MYO9B: variants seen among roughly 807,000 people sequenced by gnomAD.
The protein encoded by MYO9B is myosin IXB.
MYO9B carries 71 observed loss-of-function variants against 229.5 expected under a neutral mutation model. The ratio of observed to expected loss-of-function variants is 0.31; its 90% CI spans 0.26 to 0.38. The LOEUF (loss-of-function observed/expected upper bound fraction) is 0.38. Among genes scored for constraint, MYO9B ranks in the 10% least tolerant of loss-of-function variants. The pLI is 1.00. For missense variants in MYO9B, 2,255 were observed against 2,920.5 expected (o/e 0.77, Z 5.25); for synonymous variants, 1,185 against 1,235.8 (o/e 0.96, Z 0.86).
At chr19:17,142,968 A>T (rs1266002523) in intron 2 of MYO9B, among the ~76,000 whole-genome samples, 1 of 152,136 alleles carries the variant, frequency 6.6e-6, no homozygotes, top group Non-Finnish European at 1.5e-5. Context: ...GCCAGGCATG[A>T]TGGCTCATGC....
At chr19:17,115,295 G>A (rs1183767207) in intron 2 of MYO9B, among the ~76,000 whole-genome samples, 4 of 151,920 alleles carry the variant, frequency 2.6e-5, no homozygotes, top group South Asian at 2.1e-4. Flanking sequence ...GGCATCTTTG[G>A]CACCATGAGT....
chr19:17,091,530 A>G (rs955689047), intron 1 of MYO9B, among the ~76,000 whole-genome samples: 6 of 152,200 alleles, frequency 3.9e-5, no homozygotes, highest in African/African-American at 1.4e-4. Context: ...AACATGGTGA[A>G]ACCCCATCTC....
intron 22 of MYO9B, among the ~76,000 whole-genome samples, chr19:17,196,812 C>T (rs866251425): frequency 1.3e-5 from 2 of 150,142 alleles, no homozygotes; most frequent in Non-Finnish European, 3.0e-5. Context: ...TGATGGATGG[C>T]TGGGTGGGTG....
In MYO9B at chr19:17,183,185, G is replaced by A. The variant is rs192382576; in HGVS notation, c.2334-644G>A. 1.8e-4 allele frequency among the ~76,000 whole-genome samples: 27 copies of A among 152,332 alleles called. No homozygotes were observed. In the East Asian group the frequency reaches 5.0e-3, roughly 28 times the overall value. On this transcript the variant is annotated intron_variant, in intron 15 of 39. Coordinates refer to ENST00000682292, the MANE Select transcript of MYO9B (RefSeq NM_004145.4). ...GATCCGCTCACCTCAGCCTCCCAAA[G>A]TGCTGGGATTACAGGCGTGAGCCAC... is the stretch of plus-strand genomic sequence containing the variant.
chr19:17,191,328 T>C, intron 20 of MYO9B, 109 bp downstream of exon 20: 18 of 1,339,802 alleles, frequency 1.3e-5, no homozygotes, highest in Non-Finnish European at 1.8e-5. Context: ...CAGGGCTCTG[T>C]CTAGGAAATG....
At position 17,194,974 on chromosome 19, in the gene MYO9B, AC is replaced by A; in HGVS notation, c.3550del (p.Gln1184ArgfsTer5). On this transcript the variant is annotated frameshift_variant, in exon 22 of 40. Transcript: ENST00000682292. LOFTEE classifies it high-confidence loss of function. Reference protein sequence around the residue: ...SALREPSRRVTQEQGVSLLED... With the variant: ...SALREPSRRVXQEQGVSLLED... ...CCTCAGAGAACCTTCCAGAAGGGTCACCCAGGAGCAAGGGGTGAGTCTCCTG... is the reference window on the plus strand; with the variant it reads ...CCTCAGAGAACCTTCCAGAAGGGTCACCAGGAGCAAGGGGTGAGTCTCCTG... 1 of 1,613,380 alleles carries A rather than the reference AC, an allele frequency of 6.2e-7. No individual in the cohort carries two copies. The highest frequency in any genetic ancestry group is 8.5e-7 in the Non-Finnish European group (1 of 1,179,894).
Position 17,210,850 on chromosome 19 carries a change from C to T in MYO9B, c.5930+2C>T, listed in dbSNP as rs113212912. 3 of 1,596,410 alleles carry T rather than the reference C, an allele frequency of 1.9e-6. No individual in the cohort carries two copies. Among genetic ancestry groups the T allele is most frequent in the African/African-American group, 2.7e-5 (2 of 74,506 alleles). ...GATCCAGTCCATCAAGGAGGAGAAG[C>T]AAGTGGCTCAGTCCCCTCCCTCAGT... On this transcript the variant is annotated splice_donor_variant, in intron 38 of 39. Transcript: ENST00000682292. LOFTEE classifies it low-confidence loss of function (GC_TO_GT_DONOR).
rs1483762769 is a variant in MYO9B, at chr19:17,172,471, G to T, written c.1929G>T (p.Gln643His). 1 of 1,613,522 alleles carries T rather than the reference G, an allele frequency of 6.2e-7. No individual in the cohort carries two copies. Among genetic ancestry groups the T allele is most frequent in the South Asian group, 1.1e-5 (1 of 90,976 alleles). The change falls in exon 12 of 40, where the codon CAG (glutamine) becomes CAT (histidine). Residue 643 changes from glutamine to histidine, a missense_variant. This residue lies in a region of MYO9B where 220 missense variants were observed against 404.5 expected (regional missense o/e 0.54). Coordinates refer to ENST00000682292, the MANE Select transcript of MYO9B (RefSeq NM_004145.4). This position sits in a 1 kb window ranked among gnomAD's most constrained non-coding sequence, Gnocchi z 8.2. Reference sequence around the variant, plus strand: ...ACTTCGCAGGGAAGGTGAAATATCAGATCAAGGTAGGTGTCTGCCCATCAC... The same window carrying T: ...ACTTCGCAGGGAAGGTGAAATATCATATCAAGGTAGGTGTCTGCCCATCAC... Reference protein sequence around the residue: ...IQHFAGKVKYQIKDFREKNMD... With the variant: ...IQHFAGKVKYHIKDFREKNMD...
rs977170126 is a variant in MYO9B at position 17,079,814 on chromosome 19, G to A, written c.-59+3940G>A. ...CAGCTGTGCCAGGCTGCCCCTGCTC[G>A]GCCGGCCATTCAGACGGCCCCAGGC... On this transcript the variant is annotated intron_variant, in intron 1 of 39. Transcript: ENST00000682292. 3.3e-5 allele frequency among the ~76,000 whole-genome samples: 5 copies of A among 152,234 alleles called. No individual in the cohort carries two copies. The South Asian group carries it at 8.3e-4, about 25-fold the overall frequency.
rs1033348392 is a variant in MYO9B, at chr19:17,211,537, A to T, written c.5931-110A>T. On this transcript the variant is annotated intron_variant, in intron 38 of 39. Coordinates refer to ENST00000682292, the MANE Select transcript of MYO9B (RefSeq NM_004145.4). ...CAATCCTCCTGCTTGGGGTGGGGGG[A>T]GGTTGGGGACACAGAGTTACATCTA... The T allele has an allele frequency of 7.1e-6, 7 of 981,510 alleles. No homozygotes were observed. The East Asian group carries it at 2.0e-4, about 28-fold the overall frequency. 60.8% of individuals were successfully genotyped at this position (981,510 alleles called of 1,614,324 possible).
intron 1 of MYO9B, among the ~76,000 whole-genome samples, chr19:17,091,335 C>G (rs908314959): frequency 1.3e-5 from 2 of 152,250 alleles, no homozygotes; most frequent in Non-Finnish European, 2.9e-5. Flanking sequence ...AGGCAATCCC[C>G]CTGCCTCGGC....
chr19:17,102,240 A>T lies in MYO9B; in HGVS notation c.523A>T (p.Ile175Phe). The T allele has an allele frequency of 2.5e-6, 4 of 1,614,010 alleles. No homozygotes were observed. The highest frequency in any genetic ancestry group is 3.4e-6 in the Non-Finnish European group (4 of 1,179,882). ...CAAGCACCGCTTCCTGCAACAAAAG[A>T]TCTACACGTACGCGGGGAGCATCCT... ...NLKHRFLQQK[I>F]YTYAGSILVA... Residue 175 changes from isoleucine (I) to phenylalanine (F), a missense_variant, in exon 2 of 40, where the codon ATC (isoleucine) becomes TTC (phenylalanine). Ile to Phe is a conservative substitution (Grantham distance 21, BLOSUM62 0). Transcript: ENST00000682292.
At chr19:17,183,436 G>A in intron 15 of MYO9B, among the ~76,000 whole-genome samples, 1 of 152,182 alleles carries the variant, frequency 6.6e-6, no homozygotes, top group Non-Finnish European at 1.5e-5. Flanking sequence ...GCCCCACTCG[G>A]CATCCTGCTG....
At chr19:17,200,213 T>C (rs983447418) in intron 24 of MYO9B, 80 bp from the exon 25 acceptor site, 3 of 1,512,430 alleles carry the variant, frequency 2.0e-6, no homozygotes, top group Admixed American at 4.2e-5. Flanking sequence ...GCATTTGCCA[T>C]GTGTCCAGTC....
chr19:17,133,275 G>T (rs1395457159), intron 2 of MYO9B, among the ~76,000 whole-genome samples: 1 of 152,174 alleles, frequency 6.6e-6, no homozygotes, highest in Admixed American at 6.6e-5. Context: ...TACTCAACAT[G>T]TTTTGTGATG....
At chr19:17,104,496 G>GAACAACGCAACCAT (rs2057774908) in intron 2 of MYO9B, among the ~76,000 whole-genome samples, 1 of 152,224 alleles carries the variant, frequency 6.6e-6, no homozygotes, top group South Asian at 2.1e-4. Flanking sequence ...ACATGTCTCA[G>GAACAACGCAACCAT]AACAACGCAA....
intron 1 of MYO9B, chr19:17,095,655 A>G (rs6512166): frequency 0.74 from 112,100 of 152,200 alleles, 41,781 homozygotes; most frequent in African/African-American, 0.82. Flanking sequence ...ATAGAGCTGC[A>G]GTGGACATTG....
At chr19:17,136,226 G>A (rs1209943449) in intron 2 of MYO9B, among the ~76,000 whole-genome samples, 1 of 152,158 alleles carries the variant, frequency 6.6e-6, no homozygotes, top group Non-Finnish European at 1.5e-5. Flanking sequence ...AAGGAGGAGG[G>A]CCTAGGCCCA....
intron 2 of MYO9B, among the ~76,000 whole-genome samples, chr19:17,106,068 T>C (rs1346187931): frequency 6.9e-6 from 1 of 144,616 alleles, no homozygotes; most frequent in African/African-American, 2.5e-5. Flanking sequence ...AGTGGCACAA[T>C]CATAACTCAC....
Sources: allele counts gnomAD v4.1 joint callset (sites outside exome capture counted in the v4.1 genomes callset), GRCh38; gene constraint gnomAD v4.1.1; regional missense constraint gnomAD v4.1.1; non-coding constraint Gnocchi (gnomAD v3.1); transcripts MANE v1.5; gene names NCBI Gene and HGNC (gene_info 2026-07-23, HGNC 2026-07-21).